The following ZNF727 variants were observed in gnomAD, a reference collection of about 807,000 sequenced individuals.
ZNF727 encodes the protein zinc finger protein 727, also known as putative zinc finger protein 727.
A neutral mutation model predicts 11.5 loss-of-function variants in ZNF727; 11 were observed. The observed-to-expected ratio is 0.95, with a 90% CI of 0.60 to 1.58. The LOEUF (loss-of-function observed/expected upper bound fraction) is 1.58, where lower values mean the gene tolerates loss of function less well. ZNF727 is among the 40% of genes most tolerant of loss of function. The pLI is 0.00. For missense variants in ZNF727, 533 were observed against 581.7 expected (o/e 0.92, Z 0.86); for synonymous variants, 171 against 196.1 (o/e 0.87, Z 1.07).
intron 1 of ZNF727, among the ~76,000 whole-genome samples, chr7:64,052,378 CTTTTTT>C (rs56215284): frequency 1.7e-4 from 22 of 130,374 alleles, no homozygotes; most frequent in South Asian, 2.4e-4. Context: ...ATTTCTCTCT[CTTTTTT>C]TTTTTTTTTT....
rs143707224 is a variant in ZNF727 at position 64,048,094 on chromosome 7, C to G, written c.3+2470C>G. On this transcript the variant is annotated intron_variant, in intron 1 of 3. Coordinates refer to ENST00000456806, the MANE Select transcript of ZNF727 (RefSeq NM_001159522.3). ...TGTGTTCCAGTCAGCACTACTTCAC[C>G]CCGTGTTTGTTGCCTTGAATATATA... Among the ~76,000 whole-genome samples the G allele has an allele frequency of 4.7e-3, 716 of 152,140 alleles. 19 individuals are homozygous for G. The highest frequency in any genetic ancestry group is 0.042 in the Admixed American group (645 of 15,282).
Position 64,069,540 on chromosome 7 carries a change from AT to A in ZNF727, c.159del (p.Thr54ProfsTer18). 1 of 1,560,096 alleles carries A rather than the reference AT, an allele frequency of 6.4e-7. No individual in the cohort carries two copies. Among genetic ancestry groups the A allele is most frequent in the South Asian group, 1.2e-5 (1 of 85,166 alleles). The stretch of plus-strand genomic sequence containing the variant: ...TCTTGCTATCTTTAAGCCAGACTTG[AT>A]TACCTATCTGGAGCAAAGAAAAGAG... The part of the protein sequence containing the change: ...LGLAIFKPDL[I>X]TYLEQRKEPW... On this transcript the variant is annotated frameshift_variant, in exon 3 of 4. Transcript: ENST00000456806. LOFTEE classifies it high-confidence loss of function.
In ZNF727 at chr7:64,068,998, C is replaced by T. The variant is rs754145421; in HGVS notation, c.111C>T (p.Tyr37=). ...RLYRDVMLEN[Y]GNLFSLGLAI... ...ATAGGGATGTGATGTTAGAGAACTA[C>T]GGAAACCTGTTCTCCTTGGGTGAGA... The change falls in exon 2 of 4, where the codon TAC becomes TAT. Residue 37 remains tyrosine (Y), a synonymous_variant. Transcript: ENST00000456806. 53 of 1,603,748 alleles carry T rather than the reference C, an allele frequency of 3.3e-5. No homozygotes were observed. The highest frequency in any genetic ancestry group is 1.7e-4 in the Middle Eastern group (1 of 6,054).
At chr7:64,048,204 A>C (rs1789538373) in intron 1 of ZNF727, among the ~76,000 whole-genome samples, 1 of 152,202 alleles carries the variant, frequency 6.6e-6, no homozygotes, top group African/African-American at 2.4e-5. Flanking sequence ...AAAACCACAA[A>C]TGTTTTCTAA....
At position 64,080,413 on chromosome 7, in the gene ZNF727, A is replaced by G. The variant is rs539689841; in HGVS notation, c.*1864A>G. 6.6e-6 allele frequency among the ~76,000 whole-genome samples: 1 copy of G among 151,908 alleles called. No homozygotes were observed. The highest frequency in any genetic ancestry group is 1.9e-4 in the East Asian group (1 of 5,150). On this transcript the variant is annotated 3_prime_UTR_variant, in exon 4 of 4. Transcript: ENST00000456806. ...AGAAAGCCAGTCTTGAAGCTCTGAG[A>G]TTCTTCCCTCTGCTTGGCCTATTCT...
Position 64,078,042 on chromosome 7 carries a change from C to T in ZNF727, c.993C>T (p.Asn331=). The change falls in exon 4 of 4, where the codon AAC becomes AAT. Residue 331 remains asparagine (N), a synonymous_variant. Coordinates refer to ENST00000456806, the MANE Select transcript of ZNF727 (RefSeq NM_001159522.3). ...FMWISALSQH[N]RIHTGEKPYI... ...GGATCTCGGCCCTTAGTCAACATAACAGAATTCATACTGGAGAGAAACCCT... is the reference window on the plus strand; with the variant it reads ...GGATCTCGGCCCTTAGTCAACATAATAGAATTCATACTGGAGAGAAACCCT... 1 of 1,603,066 alleles carries T rather than the reference C, an allele frequency of 6.2e-7. No homozygotes were observed. The highest frequency in any genetic ancestry group is 1.7e-5 in the Admixed American group (1 of 58,820).
chr7:64,046,583 C>T (rs1264673763), intron 1 of ZNF727, among the ~76,000 whole-genome samples: 2 of 152,210 alleles, frequency 1.3e-5, no homozygotes, highest in Non-Finnish European at 2.9e-5. Context: ...CTTCACCTTG[C>T]ACCAGGATTT....
Position 64,045,763 on chromosome 7 carries a change from T to A in ZNF727, c.3+139T>A, listed in dbSNP as rs974311780. The A allele has an allele frequency of 4.5e-6, 5 of 1,107,884 alleles. No individual in the cohort carries two copies. In the African/African-American group the frequency reaches 7.9e-5, roughly 17 times the overall value. 68.6% of individuals were successfully genotyped at this position (1,107,884 alleles called of 1,614,324 possible). On this transcript the variant is annotated intron_variant, in intron 1 of 3. Transcript: ENST00000456806. ...CCCGTGGGCACAGTTCAGTCCTCACTTCCCTCCGTCGCAGATTAGGAGCTG... is the reference window on the plus strand; with the variant it reads ...CCCGTGGGCACAGTTCAGTCCTCACATCCCTCCGTCGCAGATTAGGAGCTG...
chr7:64,066,248 A>G (rs1789865437), intron 1 of ZNF727, among the ~76,000 whole-genome samples: 1 of 152,194 alleles, frequency 6.6e-6, no homozygotes, highest in South Asian at 2.1e-4. Context: ...TTATAGATTC[A>G]ATGCTATTCC....
At chr7:64,055,792 A>G (rs1450862320) in intron 1 of ZNF727, among the ~76,000 whole-genome samples, 3 of 152,214 alleles carry the variant, frequency 2.0e-5, no homozygotes, top group Non-Finnish European at 1.5e-5. Flanking sequence ...GCTTTTGGCT[A>G]TTGTGAATAG....
At chr7:64,045,646 C>T in intron 1 of ZNF727, 22 bp downstream of exon 1, 1 of 1,559,066 alleles carries the variant, frequency 6.4e-7, no homozygotes, top group South Asian at 1.2e-5. Context: ...GAGTGGGTGT[C>T]CCGAGAAGGG....
rs1406417716 is a variant in ZNF727, at chr7:64,045,512, C to T, written c.-110C>T. ...AGTACCCGTCTGTACTATTCCATCTCTTCCGCTCCATTAGCTCCTCGGTGA... is the reference window on the plus strand; with the variant it reads ...AGTACCCGTCTGTACTATTCCATCTTTTCCGCTCCATTAGCTCCTCGGTGA... On this transcript the variant is annotated 5_prime_UTR_variant, in exon 1 of 4. Transcript: ENST00000456806. The T allele has an allele frequency of 1.0e-5, 15 of 1,442,970 alleles. No homozygotes were observed. The highest frequency in any genetic ancestry group is 5.9e-5 in the Admixed American group (3 of 50,842). 89.4% of individuals were successfully genotyped at this position (1,442,970 alleles called of 1,614,324 possible). A position where few individuals can be genotyped will look rare whatever the true frequency, so the allele number is the denominator to read the frequency against.
At chr7:64,073,926 GGA>G (rs1790002280) in intron 3 of ZNF727, among the ~76,000 whole-genome samples, 1 of 151,926 alleles carries the variant, frequency 6.6e-6, no homozygotes, top group South Asian at 2.1e-4. Context: ...TCATATTAAG[GGA>G]GACAGACTCT....
intron 1 of ZNF727, among the ~76,000 whole-genome samples, chr7:64,067,805 G>T (rs1162152951): frequency 6.6e-6 from 1 of 151,992 alleles, no homozygotes; most frequent in African/African-American, 2.4e-5. Context: ...TTAAAACCTC[G>T]ACGACAGGTT....
chr7:64,050,822 A>G (rs1228941208), intron 1 of ZNF727, among the ~76,000 whole-genome samples: 3 of 151,636 alleles, frequency 2.0e-5, no homozygotes, highest in Admixed American at 6.6e-5. Flanking sequence ...GTATGTATGT[A>G]TATATAGCCT....
rs563292186 is a variant in ZNF727, at chr7:64,077,666, G to T, written c.617G>T (p.Gly206Val). The change falls in exon 4 of 4, where the codon GGC (glycine) becomes GTC (valine). Residue 206 changes from glycine (G) to valine (V), a missense_variant. Transcript: ENST00000456806. The stretch of plus-strand genomic sequence containing the variant: ...AGAAGTTACAAATGTGAAGAATGTG[G>T]CAAAGCCTGTAAAAAGTTCTCAAAC... ...ADRSYKCEECGKACKKFSNLT... is the reference protein window; with the variant it reads ...ADRSYKCEECVKACKKFSNLT... The T allele has an allele frequency of 1.4e-5, 22 of 1,558,216 alleles. No homozygotes were observed. In the African/African-American group the frequency reaches 1.6e-4, roughly 12 times the overall value.
chr7:64,061,851 G>A (rs1193608433), intron 1 of ZNF727, among the ~76,000 whole-genome samples: 2 of 132,040 alleles, frequency 1.5e-5, no homozygotes, highest in East Asian at 2.1e-4. Context: ...TTGATTTTAT[G>A]TATGTGTGTC....
At chr7:64,063,400 A>T (rs373386130) in intron 1 of ZNF727, among the ~76,000 whole-genome samples, 131 of 152,314 alleles carry the variant, frequency 8.6e-4, no homozygotes, top group Admixed American at 2.0e-3. Flanking sequence ...TTTGGTGGTC[A>T]TAGGTAAGAT....
rs138836242 is a variant in ZNF727, at chr7:64,052,160, G to A, written c.3+6536G>A. Among the ~76,000 whole-genome samples, 594 of 152,258 alleles carry A rather than the reference G, an allele frequency of 3.9e-3. 6 individuals are homozygous for A. The highest frequency in any genetic ancestry group is 0.014 in the African/African-American group (566 of 41,554). On this transcript the variant is annotated intron_variant, in intron 1 of 3. Transcript: ENST00000456806. The stretch of plus-strand genomic sequence containing the variant: ...GCTGTGTATGAGCATCACTCCTCAA[G>A]GTGTCACCCAAGAGTTGGTGATTAT...
Sources: allele counts gnomAD v4.1 joint callset (sites outside exome capture counted in the v4.1 genomes callset), GRCh38; gene constraint gnomAD v4.1.1; transcripts MANE v1.5; gene names NCBI Gene and HGNC (gene_info 2026-07-23, HGNC 2026-07-21).